VPS54: variants seen among roughly 807,000 people sequenced by gnomAD.
The protein encoded by VPS54 is VPS54 subunit of GARP complex.
Under a neutral mutation model 121.5 loss-of-function variants are expected in VPS54, and 45 were observed. The ratio of observed to expected loss-of-function variants is 0.37; its 90% CI spans 0.29 to 0.47. VPS54 has a LOEUF of 0.47. VPS54 is among the 20% of genes least tolerant of loss of function. The pLI, the probability that VPS54 is intolerant of heterozygous loss-of-function variation, is 0.99. For missense variants in VPS54, 1,090 were observed against 1,131.4 expected (o/e 0.96, Z 0.52); for synonymous variants, 371 against 385.8 (o/e 0.96, Z 0.45).
intron 1 of VPS54, among the ~76,000 whole-genome samples, chr2:63,999,024 G>A (rs1045668400): frequency 1.3e-5 from 2 of 152,086 alleles, no homozygotes; most frequent in Non-Finnish European, 2.9e-5. Flanking sequence ...TTGGCTCACT[G>A]CAACCTCCAC....
At chr2:63,923,505 G>A (rs937897313) in intron 12 of VPS54, among the ~76,000 whole-genome samples, 7 of 152,054 alleles carry the variant, frequency 4.6e-5, no homozygotes, top group Non-Finnish European at 8.8e-5. Context: ...TAGCCAAGAC[G>A]TGGAAGCAAC....
chr2:63,937,304 A>G (rs1674498326), intron 11 of VPS54, among the ~76,000 whole-genome samples: 2 of 152,180 alleles, frequency 1.3e-5, no homozygotes, highest in South Asian at 4.1e-4. Context: ...CTCAACAACA[A>G]AAAAACCAAA....
At chr2:63,933,592 A>C in intron 12 of VPS54, 81 bp downstream of exon 12, 1 of 1,299,994 alleles carries the variant, frequency 7.7e-7, no homozygotes, top group Admixed American at 2.2e-5. Flanking sequence ...GTTTTTCAAT[A>C]AACTGAATAA....
rs1297617777 is a variant in VPS54, at chr2:63,916,883, A to C, written c.2228+17T>G. On this transcript the variant is annotated intron_variant, in intron 16 of 22. Transcript: ENST00000272322. ...TAAATAGTTGACTCAACTACTAAAGAAAAATGTGTCACTCACCCAACAACT... is the reference window on the plus strand; with the variant it reads ...TAAATAGTTGACTCAACTACTAAAGCAAAATGTGTCACTCACCCAACAACT... 2 of 1,612,254 alleles carry C rather than the reference A, an allele frequency of 1.2e-6. No homozygotes were observed. Among genetic ancestry groups the C allele is most frequent in the East Asian group, 2.2e-5 (1 of 44,816 alleles).
intron 12 of VPS54, among the ~76,000 whole-genome samples, chr2:63,929,109 G>A (rs577422198): frequency 3.3e-5 from 5 of 152,046 alleles, no homozygotes; most frequent in East Asian, 1.9e-4. Flanking sequence ...AGATCAACAC[G>A]ACAGAAAATT....
chr2:63,970,304 G>T (rs978664869), intron 4 of VPS54, among the ~76,000 whole-genome samples: 5 of 134,186 alleles, frequency 3.7e-5, no homozygotes, highest in African/African-American at 1.5e-4. Flanking sequence ...GATATATATA[G>T]ATATAGATAA....
At chr2:63,982,942 C>T (rs113658533) in intron 2 of VPS54, among the ~76,000 whole-genome samples, 311 of 152,118 alleles carry the variant, frequency 2.0e-3, no homozygotes, top group Non-Finnish European at 3.2e-3. Flanking sequence ...ACAAATGTGC[C>T]GCAAGTAGTG....
At chr2:64,017,247 G>C (rs988624072) in intron 1 of VPS54, among the ~76,000 whole-genome samples, 5 of 150,590 alleles carry the variant, frequency 3.3e-5, no homozygotes, top group Non-Finnish European at 5.9e-5. Context: ...TGAGGCAGAA[G>C]AATCACTTGA....
Position 63,981,713 on chromosome 2 carries a change from A to G in VPS54, c.311T>C (p.Ile104Thr). 1 of 1,613,602 alleles carries G rather than the reference A, an allele frequency of 6.2e-7. No individual in the cohort carries two copies. The highest frequency in any genetic ancestry group is 8.5e-7 in the Non-Finnish European group (1 of 1,179,692). ...GATCTGTGGGAGGTAGAATGAAGGTATGACTTCAGTGTCCACAAAGTCCAA... is the reference window on the plus strand; with the variant it reads ...GATCTGTGGGAGGTAGAATGAAGGTGTGACTTCAGTGTCCACAAAGTCCAA... Reference protein sequence around the residue: ...WGLDFVDTEVIPSFYLPQISK... With the variant: ...WGLDFVDTEVTPSFYLPQISK... Residue 104 changes from isoleucine to threonine, a missense_variant, in exon 3 of 23, where the codon ATA becomes ACA. Around this residue, in one of 2 missense-constraint regions of VPS54, gnomAD observed 801 missense variants for 757.0 expected, o/e 1.06. Transcript: ENST00000272322.
At chr2:63,905,155 G>A (rs369967206) in intron 20 of VPS54, among the ~76,000 whole-genome samples, 3 of 151,906 alleles carry the variant, frequency 2.0e-5, no homozygotes, top group East Asian at 1.9e-4. Flanking sequence ...TTAGAAAACA[G>A]CAAATTAAAT....
chr2:63,927,116 C>G (rs990705273), intron 12 of VPS54, among the ~76,000 whole-genome samples: 7 of 152,214 alleles, frequency 4.6e-5, no homozygotes, highest in African/African-American at 1.7e-4. Context: ...CTTCTCCAGA[C>G]TTAAACATCC....
chr2:63,943,943 G>A (rs1208706708), intron 10 of VPS54, among the ~76,000 whole-genome samples: 1 of 151,020 alleles, frequency 6.6e-6, no homozygotes, highest in African/African-American at 2.4e-5. Flanking sequence ...TATTGCCCAG[G>A]GTGGTCTCGA....
At chr2:63,902,268 A>G (rs1244287528) in intron 20 of VPS54, among the ~76,000 whole-genome samples, 9 of 152,192 alleles carry the variant, frequency 5.9e-5, no homozygotes, top group Non-Finnish European at 1.3e-4. Context: ...AGAGATGACT[A>G]AAAGATGAGG....
intron 8 of VPS54, 48 bp downstream of exon 8, chr2:63,948,989 G>A: frequency 6.3e-7 from 1 of 1,593,204 alleles, no homozygotes; most frequent in African/African-American, 1.4e-5. Flanking sequence ...TCTAAGCCAA[G>A]ACTGTTAAGC....
chr2:63,991,213 G>A (rs997078903), intron 1 of VPS54, among the ~76,000 whole-genome samples: 2 of 152,152 alleles, frequency 1.3e-5, no homozygotes, highest in African/African-American at 4.8e-5. Flanking sequence ...TTTTACTATG[G>A]TTAAACAAGG....
chr2:63,903,222 C>CA (rs1479075579), intron 20 of VPS54, among the ~76,000 whole-genome samples: 1 of 151,940 alleles, frequency 6.6e-6, no homozygotes, highest in Non-Finnish European at 1.5e-5. Flanking sequence ...GCAAATAGAG[C>CA]AAAAAACAAT....
At position 63,895,989 on chromosome 2, in the gene VPS54, ATAT is replaced by A. The variant is rs1411664352; in HGVS notation, c.2828+1504_2828+1506del. ...GTATGAGCAGGGTTAGGCCTTAAAA[ATAT>A]TATTAGCTTTTTTTGAACAGCCTCT... On this transcript the variant is annotated intron_variant, in intron 22 of 22. Coordinates refer to ENST00000272322, the MANE Select transcript of VPS54 (RefSeq NM_016516.3). 2.6e-5 allele frequency among the ~76,000 whole-genome samples: 4 copies of A among 152,380 alleles called. No homozygotes were observed. In the South Asian group the frequency reaches 6.2e-4, roughly 24 times the overall value.
chr2:64,006,808 A>G (rs993537469), intron 1 of VPS54, among the ~76,000 whole-genome samples: 1 of 152,002 alleles, frequency 6.6e-6, no homozygotes, highest in Admixed American at 6.5e-5. Context: ...TAGTAGAGAC[A>G]GGGTTTCGCC....
chr2:63,933,917 C>T lies in VPS54; in HGVS notation c.1495G>A (p.Ala499Thr). The T allele has an allele frequency of 6.2e-7, 1 of 1,613,718 alleles. No individual in the cohort carries two copies. The highest frequency in any genetic ancestry group is 8.5e-7 in the Non-Finnish European group (1 of 1,179,804). ...LEEISQQKNA[A>T]KDNSLDTEVA... is the part of the protein sequence containing the mutation. Reference sequence around the variant, plus strand: ...TCTGTGTCCAGTGAATTATCTTTTGCAGCATTCTTCTGTTGTGAAATCTCT... The same window carrying T: ...TCTGTGTCCAGTGAATTATCTTTTGTAGCATTCTTCTGTTGTGAAATCTCT... Residue 499 changes from alanine to threonine, a missense_variant, in exon 12 of 23, where the codon GCA (alanine) becomes ACA (threonine). Transcript: ENST00000272322.
Sources: gnomAD v4.1 joint callset for allele counts (sites outside exome capture counted in the v4.1 genomes callset) on GRCh38, gnomAD v4.1.1 for gene constraint, gnomAD v4.1.1 regional missense constraint, MANE v1.5 for transcripts, NCBI Gene and HGNC (gene_info 2026-07-23, HGNC 2026-07-21) for gene names.